Variants in SLC12A1 observed in about 807,000 individuals in gnomAD.
SLC12A1 encodes solute carrier family 12 member 1.
Under a neutral mutation model 130.4 loss-of-function variants are expected in SLC12A1, and 89 were observed. The observed-to-expected ratio is 0.68, with a 90% confidence interval of 0.58 to 0.81. SLC12A1 has a LOEUF of 0.81. Among genes scored for constraint, SLC12A1 ranks in the 40% least tolerant of loss-of-function variants. The pLI is 0.00. For missense variants in SLC12A1, 1,310 were observed against 1,336.4 expected (o/e 0.98, Z 0.31); for synonymous variants, 499 against 460.0 (o/e 1.08, Z -1.09).
At chr15:48,233,512 T>A (rs2041403861) in intron 8 of SLC12A1, among the ~76,000 whole-genome samples, 1 of 152,246 alleles carries the variant, frequency 6.6e-6, no homozygotes, top group South Asian at 2.1e-4. Flanking sequence ...CAGAAAAGAC[T>A]GTAGGAGTTA....
At chr15:48,243,189 G>A (rs2041537669) in intron 10 of SLC12A1, among the ~76,000 whole-genome samples, 1 of 152,030 alleles carries the variant, frequency 6.6e-6, no homozygotes, top group South Asian at 2.1e-4. Context: ...GATTCAAAGA[G>A]TTCAGTTCAA....
chr15:48,225,944 G>A, intron 4 of SLC12A1: 3 of 971,062 alleles, frequency 3.1e-6, no homozygotes, highest in Non-Finnish European at 3.7e-6. Context: ...ATGTGTCAGA[G>A]GAGGTAATTA....
chr15:48,283,599 T>C (rs2042029222), intron 20 of SLC12A1, among the ~76,000 whole-genome samples: 1 of 152,250 alleles, frequency 6.6e-6, no homozygotes, highest in Non-Finnish European at 1.5e-5. Flanking sequence ...TCTGTGTAGC[T>C]GAATAGCAGC....
intron 13 of SLC12A1, among the ~76,000 whole-genome samples, chr15:48,248,676 A>G (rs1445804931): frequency 6.6e-6 from 1 of 152,210 alleles, no homozygotes; most frequent in East Asian, 1.9e-4. Context: ...TGACGTCTCT[A>G]TATTTTTTCT....
At chr15:48,226,689 T>C in intron 5 of SLC12A1, 118 bp downstream of exon 5, 1 of 697,034 alleles carries the variant, frequency 1.4e-6, no homozygotes, top group Non-Finnish European at 2.5e-6. Flanking sequence ...GCCTGGCTAT[T>C]TGGAGGAGCT....
chr15:48,208,253 C>G lies in SLC12A1; in HGVS notation c.420+114C>G, dbSNP rs1365847313. The G allele has an allele frequency of 2.9e-6, 3 of 1,021,876 alleles. No homozygotes were observed. The Admixed American group carries it at 8.4e-5, about 28-fold the overall frequency. The allele number at this position is 1,021,876 out of a possible 1,614,324, so 63.3% of individuals were successfully genotyped here. ...AAACAGTCAAATGGAGAGGTCTATTCCAAACACTATCCATCTTACTTACAA... is the reference window on the plus strand; with the variant it reads ...AAACAGTCAAATGGAGAGGTCTATTGCAAACACTATCCATCTTACTTACAA... On this transcript the variant is annotated intron_variant, in intron 2 of 26. Coordinates refer to ENST00000380993, the MANE Select transcript of SLC12A1 (RefSeq NM_000338.3).
At chr15:48,215,603 G>A (rs1180888234) in intron 2 of SLC12A1, among the ~76,000 whole-genome samples, 1 of 152,164 alleles carries the variant, frequency 6.6e-6, no homozygotes, top group Non-Finnish European at 1.5e-5. Flanking sequence ...GGAGACTGCA[G>A]GCCACCTGCT....
At chr15:48,209,585 G>T (rs576290306) in intron 2 of SLC12A1, among the ~76,000 whole-genome samples, 1 of 152,258 alleles carries the variant, frequency 6.6e-6, no homozygotes, top group Non-Finnish European at 1.5e-5. Context: ...AGTTCCTTTT[G>T]TATGCATTCA....
chr15:48,229,146 C>T, intron 5 of SLC12A1, 43 bp from the exon 6 acceptor site: 1 of 1,554,344 alleles, frequency 6.4e-7, no homozygotes, highest in Non-Finnish European at 8.7e-7. Context: ...GTTATATAAA[C>T]TAGCAGTTCC....
At chr15:48,215,525 T>G (rs2041110834) in intron 2 of SLC12A1, among the ~76,000 whole-genome samples, 1 of 152,196 alleles carries the variant, frequency 6.6e-6, no homozygotes, top group African/African-American at 2.4e-5. Context: ...AGGGAAAAAC[T>G]GGTTTCAGGC....
In SLC12A1 at chr15:48,272,089, C is replaced by T. The variant is rs145464281; in HGVS notation, c.2402+2325C>T. On this transcript the variant is annotated intron_variant, in intron 19 of 26. Coordinates refer to ENST00000380993, the MANE Select transcript of SLC12A1 (RefSeq NM_000338.3). Reference sequence around the variant, plus strand: ...AGCAAAATAATCAAACCCAGTAATACTGAACCAAGGAGGCCTCTGGCTTTT... The same window carrying T: ...AGCAAAATAATCAAACCCAGTAATATTGAACCAAGGAGGCCTCTGGCTTTT... Among the ~76,000 whole-genome samples, 10 of 152,290 alleles carry T rather than the reference C, an allele frequency of 6.6e-5. No individual in the cohort carries two copies. The East Asian group carries it at 1.5e-3, about 24-fold the overall frequency.
chr15:48,230,140 T>C (rs2041352644), intron 6 of SLC12A1, among the ~76,000 whole-genome samples: 1 of 152,182 alleles, frequency 6.6e-6, no homozygotes, highest in Non-Finnish European at 1.5e-5. Context: ...TTTCACTTAA[T>C]ACTACAACAA....
chr15:48,281,265 G>C (rs966700397), intron 20 of SLC12A1, among the ~76,000 whole-genome samples: 1 of 152,214 alleles, frequency 6.6e-6, no homozygotes, highest in Non-Finnish European at 1.5e-5. Context: ...TGGCTGCAAA[G>C]TGTTTGGCAT....
Position 48,218,062 on chromosome 15 carries a change from A to G in SLC12A1, c.421-2572A>G, listed in dbSNP as rs374256253. The G allele has an allele frequency of 1.5e-3, 230 of 152,574 alleles. 8 individuals carry two copies. In the South Asian group the frequency reaches 0.041, roughly 27 times the overall value. The allele number at this position is 152,574 out of a possible 1,614,324, so 9.5% of individuals were successfully genotyped here. Reference sequence around the variant, plus strand: ...TGGGCTCAAGCAATCCTCCTGCCTCAGCCTTCCAAAGTACTGGGATTACAG... The same window carrying G: ...TGGGCTCAAGCAATCCTCCTGCCTCGGCCTTCCAAAGTACTGGGATTACAG... On this transcript the variant is annotated intron_variant, in intron 2 of 26. Transcript: ENST00000380993.
chr15:48,290,313 C>T (rs6493322), intron 23 of SLC12A1, among the ~76,000 whole-genome samples: 150,736 of 152,256 alleles, frequency 0.99, 74,640 homozygotes, highest in Middle Eastern at 1. Flanking sequence ...GAAAACAAAG[C>T]TTCCTCTGGA....
chr15:48,266,471 A>G (rs1047083409), intron 17 of SLC12A1, among the ~76,000 whole-genome samples: 5 of 150,344 alleles, frequency 3.3e-5, no homozygotes, highest in African/African-American at 1.2e-4. Context: ...ATGCATCCCA[A>G]TGTCCTTTCT....
At chr15:48,265,717 G>A (rs750627170) in intron 17 of SLC12A1, among the ~76,000 whole-genome samples, 2 of 152,026 alleles carry the variant, frequency 1.3e-5, no homozygotes, top group Non-Finnish European at 2.9e-5. Context: ...AAGTTGGCAG[G>A]TTCTAGGAAA....
intron 20 of SLC12A1, among the ~76,000 whole-genome samples, chr15:48,280,714 G>T (rs941969829): frequency 6.6e-6 from 1 of 152,008 alleles, no homozygotes; most frequent in African/African-American, 2.4e-5. Flanking sequence ...TGCCTCTCAT[G>T]CTTCCATTTC....
intron 24 of SLC12A1, among the ~76,000 whole-genome samples, chr15:48,298,688 G>T (rs1262252090): frequency 6.6e-6 from 1 of 152,206 alleles, no homozygotes; most frequent in African/African-American, 2.4e-5. Context: ...AAGGGTGAGG[G>T]TAGCCATATC....
Sources: allele counts gnomAD v4.1 joint callset (sites outside exome capture counted in the v4.1 genomes callset), GRCh38; gene constraint gnomAD v4.1.1; transcripts MANE v1.5; gene names NCBI Gene and HGNC (gene_info 2026-07-23, HGNC 2026-07-21).